Variants in ATP2B2 observed in about 807,000 individuals in gnomAD.
ATP2B2 encodes the protein plasma membrane calcium-transporting ATPase 2.
ATP2B2 carries 15 observed loss-of-function variants against 120.0 expected under a neutral mutation model. The ratio of observed to expected loss-of-function variants is 0.12; its 90% CI spans 0.08 to 0.19. ATP2B2 has a LOEUF of 0.19. Among genes scored for constraint, ATP2B2 ranks in the 10% least tolerant of loss-of-function variants. The probability of loss-of-function intolerance (pLI) is 1.00; values close to 1 mark genes in which losing one functional copy is unlikely to be tolerated. For synonymous variants in ATP2B2, 694 were observed against 700.3 expected, an observed-to-expected ratio of 0.99 and a Z score of 0.14; for missense variants, 1,045 against 1,719.8, an observed-to-expected ratio of 0.61 and a Z score of 6.94.
chr3:10,706,650 A>G (rs1575637303), intron 1 of ATP2B2, among the ~76,000 whole-genome samples: 1 of 152,184 alleles, frequency 6.6e-6, no homozygotes, highest in South Asian at 2.1e-4. Flanking sequence ...AGGAAATTAC[A>G]CCAGCTGGTA....
At position 10,449,862 on chromosome 3, in the gene ATP2B2, C is replaced by T. The variant is rs929793979; in HGVS notation, c.-319G>A. Reference sequence around the variant, plus strand: ...ATCTACATGGTCAGGGGTGGTGGCTCCTGTGGGACAAGCACAGAGTGAGTG... The same window carrying T: ...ATCTACATGGTCAGGGGTGGTGGCTTCTGTGGGACAAGCACAGAGTGAGTG... On this transcript the variant is annotated splice_region_variant and 5_prime_UTR_variant, in exon 2 of 23. Coordinates refer to ENST00000360273, the MANE Select transcript of ATP2B2 (RefSeq NM_001001331.4). 2.3e-6 allele frequency: 1 copy of T among 428,288 alleles called. No homozygotes were observed. Among genetic ancestry groups the T allele is most frequent in the Non-Finnish European group, 4.4e-6 (1 of 227,834 alleles). 26.5% of individuals were successfully genotyped at this position (428,288 alleles called of 1,614,324 possible).
At chr3:10,485,955 T>C (rs537370624) in intron 1 of ATP2B2, among the ~76,000 whole-genome samples, 1 of 152,212 alleles carries the variant, frequency 6.6e-6, no homozygotes, top group South Asian at 2.1e-4. Context: ...CAGGGCATCA[T>C]GAAACTCAGC....
intron 2 of ATP2B2, among the ~76,000 whole-genome samples, chr3:10,609,866 A>G (rs1490083920): frequency 6.6e-6 from 1 of 151,916 alleles, no homozygotes; most frequent in African/African-American, 2.4e-5. Context: ...CCTGGCACTG[A>G]GTGACCCTTC....
intron 1 of ATP2B2, among the ~76,000 whole-genome samples, chr3:10,483,835 G>A (rs955766344): frequency 1.3e-5 from 2 of 152,232 alleles, no homozygotes; most frequent in Non-Finnish European, 2.9e-5. Context: ...ACAGATGCTG[G>A]AGCCACCCAC....
chr3:10,581,086 G>A (rs1369810695), intron 2 of ATP2B2, among the ~76,000 whole-genome samples: 1 of 152,178 alleles, frequency 6.6e-6, no homozygotes, highest in African/African-American at 2.4e-5. Flanking sequence ...CCATTTTATG[G>A]ATGTGGAAAT....
chr3:10,503,890 G>A (rs1018468170), intron 1 of ATP2B2, among the ~76,000 whole-genome samples: 1 of 152,242 alleles, frequency 6.6e-6, no homozygotes, highest in South Asian at 2.1e-4. Context: ...GCATGCACAG[G>A]TGTGTATGTG....
rs181957113 is a variant in ATP2B2 at position 10,512,949 on chromosome 3, G to C, written c.-320+21090C>G. Among the ~76,000 whole-genome samples the C allele has an allele frequency of 1.1e-4, 17 of 152,314 alleles. No homozygotes were observed. In the East Asian group the frequency reaches 2.5e-3, roughly 22 times the overall value. ...GGCTCCTCATTTGTAAAATGCGCACGATGCCATGTGCTTCCTGCTTCTCCA... is the reference window on the plus strand; with the variant it reads ...GGCTCCTCATTTGTAAAATGCGCACCATGCCATGTGCTTCCTGCTTCTCCA... On this transcript the variant is annotated intron_variant, in intron 3 of 21. Coordinates refer to the ATP2B2 transcript ENST00000646379.
At chr3:10,706,190 G>GTGAATGAA (rs913634187) in intron 1 of ATP2B2, among the ~76,000 whole-genome samples, 2 of 152,118 alleles carry the variant, frequency 1.3e-5, no homozygotes, top group African/African-American at 2.4e-5. Flanking sequence ...GAGTGAGTGA[G>GTGAATGAA]TGAATGAATG....
chr3:10,394,161 G>A (rs1417310865), intron 5 of ATP2B2, among the ~76,000 whole-genome samples: 1 of 152,086 alleles, frequency 6.6e-6, no homozygotes, highest in Non-Finnish European at 1.5e-5. Context: ...TCTTCTAAAA[G>A]GGTTCCTTCA....
At chr3:10,397,613 A>C (rs1301537008) in intron 5 of ATP2B2, among the ~76,000 whole-genome samples, 4 of 152,176 alleles carry the variant, frequency 2.6e-5, no homozygotes, top group Non-Finnish European at 5.9e-5. Context: ...AAAGAGGAAG[A>C]AATGAGACTG....
intron 1 of ATP2B2, among the ~76,000 whole-genome samples, chr3:10,634,158 T>C (rs1226708273): frequency 1.3e-5 from 2 of 152,234 alleles, no homozygotes; most frequent in Non-Finnish European, 1.5e-5. Context: ...AGTTCCTTTC[T>C]GAATCAACCC....
intron 12 of ATP2B2, among the ~76,000 whole-genome samples, chr3:10,365,983 A>G (rs2061044429): frequency 6.6e-6 from 1 of 151,850 alleles, no homozygotes; most frequent in South Asian, 2.1e-4. Context: ...GTTCGCCAAA[A>G]AAACCAAAAG....
chr3:10,609,432 C>T (rs1033099577), intron 2 of ATP2B2, among the ~76,000 whole-genome samples: 1 of 152,246 alleles, frequency 6.6e-6, no homozygotes, highest in Non-Finnish European at 1.5e-5. Context: ...TACTCCAAGC[C>T]TCCTCGGCGC....
chr3:10,388,051 C>A (rs889823654), intron 6 of ATP2B2: 8 of 563,336 alleles, frequency 1.4e-5, no homozygotes, highest in South Asian at 3.8e-5. Context: ...GAAGGAGGGG[C>A]CTCCATGACA....
At chr3:10,510,040 C>T (rs532690881), upstream of ATP2B2, among the ~76,000 whole-genome samples, 11 of 152,312 alleles carry the variant, frequency 7.2e-5, no homozygotes, top group African/African-American at 9.6e-5. Flanking sequence ...AAAATGCTGG[C>T]GGAGAGTAGG....
chr3:10,576,722 G>T (rs2068256454), intron 2 of ATP2B2, among the ~76,000 whole-genome samples: 1 of 152,052 alleles, frequency 6.6e-6, no homozygotes, highest in Non-Finnish European at 1.5e-5. Context: ...TGAAGAGCTG[G>T]AGGGAATGAC....
At chr3:10,553,333 C>T (rs2067708882) in intron 2 of ATP2B2, among the ~76,000 whole-genome samples, 1 of 152,192 alleles carries the variant, frequency 6.6e-6, no homozygotes, top group South Asian at 2.1e-4. Context: ...CGCCCTGTTC[C>T]ATGCCTGACA....
At chr3:10,662,043 C>T (rs543791173) in intron 1 of ATP2B2, among the ~76,000 whole-genome samples, 2 of 152,082 alleles carry the variant, frequency 1.3e-5, no homozygotes, top group African/African-American at 2.4e-5. Context: ...AACTGGCTAG[C>T]CATATGTAGA....
At chr3:10,592,483 TC>T (rs1393058069) in intron 2 of ATP2B2, among the ~76,000 whole-genome samples, 1 of 152,238 alleles carries the variant, frequency 6.6e-6, no homozygotes, top group Non-Finnish European at 1.5e-5. Context: ...TTGGAAAAGT[TC>T]CAGGCATGCA....
Sources: gnomAD v4.1 joint callset for allele counts (sites outside exome capture counted in the v4.1 genomes callset) on GRCh38, gnomAD v4.1.1 for gene constraint, MANE v1.5 for transcripts, NCBI Gene and HGNC (gene_info 2026-07-23, HGNC 2026-07-21) for gene names.